OR4C15: variants seen among roughly 807,000 people sequenced by gnomAD.
The protein encoded by OR4C15 is olfactory receptor 4C15.
For synonymous variants in OR4C15, 216 were observed against 134.0 expected, an observed-to-expected ratio of 1.61 and a Z score of -4.22; for missense variants, 697 against 377.5, an observed-to-expected ratio of 1.85 and a Z score of -7.01.
Position 55,554,788 on chromosome 11 carries a change from C to T in OR4C15, c.320C>T (p.Ala107Val), listed in dbSNP as rs1412851029. The T allele has an allele frequency of 1.9e-6, 3 of 1,613,840 alleles. No individual in the cohort carries two copies. Among genetic ancestry groups the T allele is most frequent in the East Asian group, 2.2e-5 (1 of 44,854 alleles). The change falls in exon 1 of 1, where the codon GCT becomes GTT. Residue 107 changes from alanine (A) to valine (V), a missense_variant. By Grantham distance (64) the Ala-to-Val change is moderately conservative. Transcript: ENST00000642128. ...CAGCTCTTTGCTGAACACTTCTTTG[C>T]TGGGGTGGAGGTGATTGTCCTCACA... ...MMQLFAEHFF[A>V]GVEVIVLTAM... is the part of the protein sequence containing the mutation.
In OR4C15 at chr11:55,555,063, G is replaced by A. The variant is rs12790125; in HGVS notation, c.595G>A (p.Val199Ile). Residue 199 changes from valine to isoleucine, a missense_variant, in exon 1 of 1, where the codon GTC (valine) becomes ATC (isoleucine). Coordinates refer to ENST00000642128, the MANE Select transcript of OR4C15 (RefSeq NM_001001920.3). The stretch of plus-strand genomic sequence containing the variant: ...TACTCACATCTTTGGCCTCATGGTG[G>A]TCATCAACAGTGGGTTTATCTGCAT... ...TDTHIFGLMV[V>I]INSGFICIIN... is the part of the protein sequence containing the mutation. The A allele has an allele frequency of 0.21, 341,440 of 1,613,404 alleles. 37,084 individuals carry two copies. Among genetic ancestry groups the A allele is most frequent in the Non-Finnish European group, 0.22 (256,313 of 1,179,736 alleles).
Position 55,555,177 on chromosome 11 carries a change from T to G in OR4C15, c.709T>G (p.Ser237Ala). ...HSSEGRWKALSTCGSHIAVVI... is the reference protein window; with the variant it reads ...HSSEGRWKALATCGSHIAVVI... ...TTCTGAAGGGCGCTGGAAAGCTCTC[T>G]CCACCTGTGGATCTCACATTGCTGT... is the stretch of plus-strand genomic sequence containing the variant. The change falls in exon 1 of 1, where the codon TCC becomes GCC. Residue 237 changes from serine (S) to alanine (A), a missense_variant. Ser to Ala is a moderately conservative substitution (Grantham distance 99). Coordinates refer to ENST00000642128, the MANE Select transcript of OR4C15 (RefSeq NM_001001920.3). 6.2e-7 allele frequency: 1 copy of G among 1,613,984 alleles called. No individual in the cohort carries two copies. The highest frequency in any genetic ancestry group is 8.5e-7 in the Non-Finnish European group (1 of 1,179,960).
At position 55,555,060 on chromosome 11, in the gene OR4C15, G is replaced by A. The variant is rs372439898; in HGVS notation, c.592G>A (p.Val198Met). ...TGATACTCACATCTTTGGCCTCATG[G>A]TGGTCATCAACAGTGGGTTTATCTG... ...CTDTHIFGLM[V>M]VINSGFICII... The change falls in exon 1 of 1, where the codon GTG becomes ATG. Residue 198 changes from valine (V) to methionine (M), a missense_variant. Coordinates refer to ENST00000642128, the MANE Select transcript of OR4C15 (RefSeq NM_001001920.3). The A allele has an allele frequency of 2.4e-5, 39 of 1,613,856 alleles. No homozygotes were observed. The Middle Eastern group carries it at 9.9e-4, about 41-fold the overall frequency.
Position 55,554,835 on chromosome 11 carries a change from G to T in OR4C15, c.367G>T (p.Val123Leu). ...CACAGCCATGGCCTATGATCGTTATGTGGCCATTTGCAAGCCCTTGCATTA... is the reference window on the plus strand; with the variant it reads ...CACAGCCATGGCCTATGATCGTTATTTGGCCATTTGCAAGCCCTTGCATTA... ...VLTAMAYDRY[V>L]AICKPLHYSS... Residue 123 changes from valine to leucine, a missense_variant, in exon 1 of 1, where the codon GTG becomes TTG. By Grantham distance (32) the Val-to-Leu change is conservative (BLOSUM62 1). Coordinates refer to ENST00000642128, the MANE Select transcript of OR4C15 (RefSeq NM_001001920.3). 1 of 1,613,958 alleles carries T rather than the reference G, an allele frequency of 6.2e-7. No individual in the cohort carries two copies. The highest frequency in any genetic ancestry group is 1.3e-5 in the African/African-American group (1 of 75,034).
Position 55,555,289 on chromosome 11 carries a change from A to T in OR4C15, c.821A>T (p.Tyr274Phe), listed in dbSNP as rs764519877. The change falls in exon 1 of 1, where the codon TAT becomes TTT. Residue 274 changes from tyrosine (Y) to phenylalanine (F), a missense_variant. By Grantham distance (22) the Tyr-to-Phe change is conservative. Transcript: ENST00000642128. ...FSLDKMAAIFYIILNPLLNPL... is the reference protein window; with the variant it reads ...FSLDKMAAIFFIILNPLLNPL... The stretch of plus-strand genomic sequence containing the variant: ...CTTGACAAAATGGCGGCAATATTTT[A>T]TATCATCTTAAATCCCTTGCTCAAT... 1 of 1,613,908 alleles carries T rather than the reference A, an allele frequency of 6.2e-7. No homozygotes were observed. Among genetic ancestry groups the T allele is most frequent in the Non-Finnish European group, 8.5e-7 (1 of 1,179,908 alleles).
Position 55,554,752 on chromosome 11 carries a change from G to A in OR4C15, c.284G>A (p.Gly95Asp). The A allele has an allele frequency of 1.9e-6, 3 of 1,613,868 alleles. No homozygotes were observed. The highest frequency in any genetic ancestry group is 2.2e-5 in the East Asian group (1 of 44,846). The stretch of plus-strand genomic sequence containing the variant: ...GTGACAAAAACCATCTCTTTTGAAG[G>A]CTGCATGATGCAGCTCTTTGCTGAA... The part of the protein sequence containing the change: ...LYVTKTISFE[G>D]CMMQLFAEHF... The change falls in exon 1 of 1, where the codon GGC becomes GAC. Residue 95 changes from glycine (G) to aspartate (D), a missense_variant. By Grantham distance (94) the Gly-to-Asp change is moderately conservative. Transcript: ENST00000642128.
chr11:55,554,814 G>A lies in OR4C15; in HGVS notation c.346G>A (p.Ala116Thr), dbSNP rs755144556. The A allele has an allele frequency of 1.9e-6, 3 of 1,613,970 alleles. No homozygotes were observed. The highest frequency in any genetic ancestry group is 2.5e-6 in the Non-Finnish European group (3 of 1,179,954). ...FAGVEVIVLT[A>T]MAYDRYVAIC... ...TGGGGTGGAGGTGATTGTCCTCACA[G>A]CCATGGCCTATGATCGTTATGTGGC... Residue 116 changes from alanine to threonine, a missense_variant, in exon 1 of 1, where the codon GCC becomes ACC. Coordinates refer to ENST00000642128, the MANE Select transcript of OR4C15 (RefSeq NM_001001920.3).
rs1213505443 is a variant in OR4C15, at chr11:55,554,762, G to A, written c.294G>A (p.Met98Ile). Residue 98 changes from methionine to isoleucine, a missense_variant, in exon 1 of 1, where the codon ATG becomes ATA. Physicochemically the swap from Met to Ile is conservative, Grantham distance 10. Coordinates refer to ENST00000642128, the MANE Select transcript of OR4C15 (RefSeq NM_001001920.3). ...TKTISFEGCM[M>I]QLFAEHFFAG... is the part of the protein sequence containing the mutation. ...CCATCTCTTTTGAAGGCTGCATGAT[G>A]CAGCTCTTTGCTGAACACTTCTTTG... The A allele has an allele frequency of 1.2e-6, 2 of 1,613,940 alleles. No homozygotes were observed. Among genetic ancestry groups the A allele is most frequent in the African/African-American group, 1.3e-5 (1 of 75,014 alleles).
Position 55,555,252 on chromosome 11 carries a change from T to C in OR4C15, c.784T>C (p.Ser262Pro). ...PCIFVYTRPP[S>P]AFSLDKMAAI... The stretch of plus-strand genomic sequence containing the variant: ...CATATTTGTATATACACGACCTCCA[T>C]CTGCTTTTTCCCTTGACAAAATGGC... Residue 262 changes from serine (S) to proline (P), a missense_variant, in exon 1 of 1, where the codon TCT becomes CCT. Ser to Pro is a moderately conservative substitution (Grantham distance 74). Coordinates refer to ENST00000642128, the MANE Select transcript of OR4C15 (RefSeq NM_001001920.3). 6.2e-7 allele frequency: 1 copy of C among 1,613,978 alleles called. No individual in the cohort carries two copies. Among genetic ancestry groups the C allele is most frequent in the East Asian group, 2.2e-5 (1 of 44,852 alleles).
rs774681539 is a variant in OR4C15 at position 55,554,804 on chromosome 11, TG to T, written c.337del (p.Val113SerfsTer23). 2.5e-6 allele frequency: 4 copies of T among 1,613,862 alleles called. No individual in the cohort carries two copies. Among genetic ancestry groups the T allele is most frequent in the Non-Finnish European group, 3.4e-6 (4 of 1,179,962 alleles). On this transcript the variant is annotated frameshift_variant, in exon 1 of 1. Transcript: ENST00000642128. LOFTEE classifies it low-confidence loss of function (END_TRUNC). ...ACTTCTTTGCTGGGGTGGAGGTGATTGTCCTCACAGCCATGGCCTATGATCG... is the reference window on the plus strand; with the variant it reads ...ACTTCTTTGCTGGGGTGGAGGTGATTTCCTCACAGCCATGGCCTATGATCG... ...EHFFAGVEVI[V>X]LTAMAYDRYV... is the part of the protein sequence containing the mutation.
rs750912052 is a variant in OR4C15, at chr11:55,554,802, A to T, written c.334A>T (p.Ile112Phe). Residue 112 changes from isoleucine (I) to phenylalanine (F), a missense_variant, in exon 1 of 1, where the codon ATT becomes TTT. By Grantham distance (21) the Ile-to-Phe change is conservative (BLOSUM62 0). Transcript: ENST00000642128. ...AEHFFAGVEV[I>F]VLTAMAYDRY... is the part of the protein sequence containing the mutation. ...ACACTTCTTTGCTGGGGTGGAGGTG[A>T]TTGTCCTCACAGCCATGGCCTATGA... The T allele has an allele frequency of 6.2e-7, 1 of 1,613,880 alleles. No homozygotes were observed.
In OR4C15 at chr11:55,555,111, G is replaced by A. The variant is rs763237296; in HGVS notation, c.643G>A (p.Val215Ile). Residue 215 changes from valine (V) to isoleucine (I), a missense_variant, in exon 1 of 1, where the codon GTC becomes ATC. By Grantham distance (29) the Val-to-Ile change is conservative (BLOSUM62 3). Transcript: ENST00000642128. ...CATCATAAACTTCTCCTTGTTGCTT[G>A]TCTCCTATGCTGTCATCTTGCTCTC... is the stretch of plus-strand genomic sequence containing the variant. ...ICIINFSLLL[V>I]SYAVILLSLR... 19 of 1,613,726 alleles carry A rather than the reference G, an allele frequency of 1.2e-5. No homozygotes were observed. The highest frequency in any genetic ancestry group is 9.3e-6 in the Non-Finnish European group (11 of 1,179,942).
At position 55,554,592 on chromosome 11, in the gene OR4C15, C is replaced by T. The variant is rs141003895; in HGVS notation, c.124C>T (p.Leu42=). 398 of 1,613,786 alleles carry T rather than the reference C, an allele frequency of 2.5e-4. 1 individual carries two copies. Among genetic ancestry groups the T allele is most frequent in the Middle Eastern group, 1.5e-3 (9 of 6,084 alleles). ...CATTGCAACTGTTGGGGGCAACATG[C>T]TAATTGTAGTAACCATTCTCAGCAG... ...VYIATVGGNM[L]IVVTILSSPA... Residue 42 remains leucine (L), a synonymous_variant, in exon 1 of 1, where the codon CTA becomes TTA. Coordinates refer to ENST00000642128, the MANE Select transcript of OR4C15 (RefSeq NM_001001920.3).
chr11:55,555,209 T>C lies in OR4C15; in HGVS notation c.741T>C (p.Ile247=), dbSNP rs1207336494. ...GTGGATCTCACATTGCTGTTGTGAT[T>C]TTGTTCTTTGTCCCATGCATATTTG... is the stretch of plus-strand genomic sequence containing the variant. ...STCGSHIAVV[I]LFFVPCIFVY... is the part of the protein sequence containing the mutation. Residue 247 remains isoleucine (I), a synonymous_variant, in exon 1 of 1, where the codon ATT becomes ATC. Coordinates refer to ENST00000642128, the MANE Select transcript of OR4C15 (RefSeq NM_001001920.3). 6.2e-7 allele frequency: 1 copy of C among 1,613,990 alleles called. No homozygotes were observed. The highest frequency in any genetic ancestry group is 1.1e-5 in the South Asian group (1 of 91,078).
In OR4C15 at chr11:55,555,045, A is replaced by T. The variant is rs773602203; in HGVS notation, c.577A>T (p.Ile193Phe). Reference protein sequence around the residue: ...LLELACTDTHIFGLMVVINSG... With the variant: ...LLELACTDTHFFGLMVVINSG... Reference sequence around the variant, plus strand: ...GGAGCTTGCCTGCACTGATACTCACATCTTTGGCCTCATGGTGGTCATCAA... The same window carrying T: ...GGAGCTTGCCTGCACTGATACTCACTTCTTTGGCCTCATGGTGGTCATCAA... Residue 193 changes from isoleucine (I) to phenylalanine (F), a missense_variant, in exon 1 of 1, where the codon ATC (isoleucine) becomes TTC (phenylalanine). Physicochemically the swap from Ile to Phe is conservative, Grantham distance 21. Transcript: ENST00000642128. 5 of 1,613,640 alleles carry T rather than the reference A, an allele frequency of 3.1e-6. No homozygotes were observed. The South Asian group carries it at 5.5e-5, about 18-fold the overall frequency.
Position 55,555,241 on chromosome 11 carries a change from C to A in OR4C15, c.773C>A (p.Thr258Lys), listed in dbSNP as rs1217968165. 5 of 1,613,760 alleles carry A rather than the reference C, an allele frequency of 3.1e-6. No homozygotes were observed. In the African/African-American group the frequency reaches 5.3e-5, roughly 17 times the overall value. ...TTTGTCCCATGCATATTTGTATATACACGACCTCCATCTGCTTTTTCCCTT... is the reference window on the plus strand; with the variant it reads ...TTTGTCCCATGCATATTTGTATATAAACGACCTCCATCTGCTTTTTCCCTT... Reference protein sequence around the residue: ...LFFVPCIFVYTRPPSAFSLDK... With the variant: ...LFFVPCIFVYKRPPSAFSLDK... Residue 258 changes from threonine (T) to lysine (K), a missense_variant, in exon 1 of 1, where the codon ACA becomes AAA. By Grantham distance (78) the Thr-to-Lys change is moderately conservative. Transcript: ENST00000642128.
Position 55,555,131 on chromosome 11 carries a change from G to A in OR4C15, c.663G>A (p.Leu221=), listed in dbSNP as rs759265543. 4.3e-6 allele frequency: 7 copies of A among 1,613,554 alleles called. No homozygotes were observed. Among genetic ancestry groups the A allele is most frequent in the South Asian group, 1.1e-5 (1 of 91,066 alleles). ...TGCTTGTCTCCTATGCTGTCATCTT[G>A]CTCTCTCTGAGAACACACAGTTCTG... is the stretch of plus-strand genomic sequence containing the variant. ...SLLLVSYAVI[L]LSLRTHSSEG... is the part of the protein sequence containing the mutation. Residue 221 remains leucine, a synonymous_variant, in exon 1 of 1, where the codon TTG becomes TTA. Transcript: ENST00000642128.
rs267602969 is a variant in OR4C15 at position 55,554,829 on chromosome 11, C to T, written c.361C>T (p.Arg121Cys). 2.0e-5 allele frequency: 33 copies of T among 1,613,836 alleles called. No individual in the cohort carries two copies. The highest frequency in any genetic ancestry group is 3.3e-4 in the Middle Eastern group (2 of 6,078). The change falls in exon 1 of 1, where the codon CGT becomes TGT. Residue 121 changes from arginine (R) to cysteine (C), a missense_variant. Coordinates refer to ENST00000642128, the MANE Select transcript of OR4C15 (RefSeq NM_001001920.3). ...TGTCCTCACAGCCATGGCCTATGATCGTTATGTGGCCATTTGCAAGCCCTT... is the reference window on the plus strand; with the variant it reads ...TGTCCTCACAGCCATGGCCTATGATTGTTATGTGGCCATTTGCAAGCCCTT... Reference protein sequence around the residue: ...VIVLTAMAYDRYVAICKPLHY... With the variant: ...VIVLTAMAYDCYVAICKPLHY...
Position 55,555,409 on chromosome 11 carries a change from T to C in OR4C15, c.941T>C (p.Ile314Thr). 1 of 1,573,030 alleles carries C rather than the reference T, an allele frequency of 6.4e-7. No homozygotes were observed. The highest frequency in any genetic ancestry group is 8.6e-7 in the Non-Finnish European group (1 of 1,164,634). The change falls in exon 1 of 1, where the codon ATT becomes ACT. Residue 314 changes from isoleucine (I) to threonine (T), a missense_variant. Ile to Thr is a moderately conservative substitution (Grantham distance 89). Coordinates refer to ENST00000642128, the MANE Select transcript of OR4C15 (RefSeq NM_001001920.3). ...GTGGTTTCTGATGAGAAAGAAAATATTAAACTTTAAAAAATCCAAAGTTAA... is the reference window on the plus strand; with the variant it reads ...GTGGTTTCTGATGAGAAAGAAAATACTAAACTTTAAAAAATCCAAAGTTAA... Reference protein sequence around the residue: ...LMVVSDEKENIKL With the variant: ...LMVVSDEKENTKL
Sources: allele counts gnomAD v4.1 joint callset, GRCh38; gene constraint gnomAD v4.1.1; transcripts MANE v1.5; gene names NCBI Gene and HGNC (gene_info 2026-07-23, HGNC 2026-07-21).